Variants in OSBP2 observed in about 807,000 individuals in gnomAD.
OSBP2 encodes oxysterol-binding protein 2.
A neutral mutation model predicts 96.0 loss-of-function variants in OSBP2; 66 were observed. The ratio of observed to expected loss-of-function variants is 0.69; its 90% CI spans 0.56 to 0.84. The LOEUF (loss-of-function observed/expected upper bound fraction) is 0.84. Among genes scored for constraint, OSBP2 ranks in the 40% least tolerant of loss-of-function variants. OSBP2 has a pLI of 0.00. For missense variants in OSBP2, 1,038 were observed against 1,222.7 expected, an observed-to-expected ratio of 0.85 and a Z score of 2.25; for synonymous variants, 525 against 520.9, an observed-to-expected ratio of 1.01 and a Z score of -0.11.
At chr22:30,850,351 A>G (rs2038956442) in intron 2 of OSBP2, among the ~76,000 whole-genome samples, 1 of 151,600 alleles carries the variant, frequency 6.6e-6, no homozygotes, top group African/African-American at 2.4e-5. Context: ...GTGCATGTCT[A>G]TTTCTGAACT....
chr22:30,822,661 T>A, intron 2 of OSBP2: 1 of 1,533,924 alleles, frequency 6.5e-7, no homozygotes, highest in South Asian at 1.2e-5. Flanking sequence ...GGACACGGCC[T>A]CCGTGCGCTC....
chr22:30,898,135 C>T (rs940252014), intron 12 of OSBP2, among the ~76,000 whole-genome samples: 2 of 151,822 alleles, frequency 1.3e-5, no homozygotes, highest in African/African-American at 4.8e-5. Context: ...AAAATAAGAG[C>T]AAGAGCAAAA....
chr22:30,825,204 TTGGC>T (rs2038371937), intron 2 of OSBP2, among the ~76,000 whole-genome samples: 1 of 152,152 alleles, frequency 6.6e-6, no homozygotes, highest in Non-Finnish European at 1.5e-5. Flanking sequence ...CCTACTTACC[TTGGC>T]TGGGCATGGT....
chr22:30,878,194 A>C (rs571138329), intron 3 of OSBP2, among the ~76,000 whole-genome samples: 1 of 151,078 alleles, frequency 6.6e-6, no homozygotes, highest in South Asian at 2.1e-4. Flanking sequence ...CAAAGGACTC[A>C]ATGCCAAGTG....
chr22:30,769,749 C>T (rs1466032958), intron 2 of OSBP2, among the ~76,000 whole-genome samples: 1 of 152,168 alleles, frequency 6.6e-6, no homozygotes, highest in East Asian at 1.9e-4. Flanking sequence ...TCATCACTAC[C>T]ATTCCAGGCT....
chr22:30,764,455 AT>A, intron 2 of OSBP2: 1 of 942,984 alleles, frequency 1.1e-6, no homozygotes, highest in Non-Finnish European at 1.3e-6. Context: ...GTGGAAATAA[AT>A]TCCCAGGGAG....
intron 2 of OSBP2, among the ~76,000 whole-genome samples, chr22:30,808,326 T>A (rs2090958766): frequency 6.6e-6 from 1 of 151,892 alleles, no homozygotes; most frequent in African/African-American, 2.4e-5. Context: ...CATAGCAAGA[T>A]CCTGTCTCTA....
At chr22:30,736,332 C>T (rs151306156) in intron 1 of OSBP2, among the ~76,000 whole-genome samples, 30 of 152,262 alleles carry the variant, frequency 2.0e-4, no homozygotes, top group Middle Eastern at 3.4e-3. Flanking sequence ...TTCCCTCCCT[C>T]GCTCCCTCAG....
chr22:30,838,168 G>C (rs144589906), intron 2 of OSBP2, among the ~76,000 whole-genome samples: 40 of 152,244 alleles, frequency 2.6e-4, no homozygotes, highest in African/African-American at 8.9e-4. Context: ...AGGATTCCTC[G>C]TGTGGCAGCA....
At chr22:30,806,081 A>G (rs1321510726) in intron 2 of OSBP2, among the ~76,000 whole-genome samples, 2 of 152,236 alleles carry the variant, frequency 1.3e-5, no homozygotes, top group Non-Finnish European at 2.9e-5. Flanking sequence ...GCTTTCCTGC[A>G]GTAACTCAGT....
At chr22:30,725,435 C>G (rs906860435) in intron 1 of OSBP2, among the ~76,000 whole-genome samples, 7 of 151,434 alleles carry the variant, frequency 4.6e-5, no homozygotes, top group African/African-American at 1.7e-4. Context: ...CACTTGGACC[C>G]GGGAGGCAGA....
chr22:30,723,932 C>A (rs1015831984), intron 1 of OSBP2, among the ~76,000 whole-genome samples: 2 of 152,236 alleles, frequency 1.3e-5, no homozygotes, highest in Non-Finnish European at 2.9e-5. Context: ...ACTCTTGGTG[C>A]GGTACCTTCT....
intron 2 of OSBP2, among the ~76,000 whole-genome samples, chr22:30,816,014 T>G (rs1240533175): frequency 6.6e-6 from 1 of 152,204 alleles, no homozygotes; most frequent in Non-Finnish European, 1.5e-5. Context: ...AGCGCCTTGA[T>G]GAACTGAAAT....
intron 8 of OSBP2, among the ~76,000 whole-genome samples, chr22:30,891,261 G>A (rs539147655): frequency 6.6e-6 from 1 of 152,352 alleles, no homozygotes; most frequent in African/African-American, 2.4e-5. Flanking sequence ...GTGTTGTGGA[G>A]CAGAGGTGGA....
chr22:30,804,282 C>G (rs1297398155), intron 2 of OSBP2, among the ~76,000 whole-genome samples: 1 of 152,190 alleles, frequency 6.6e-6, no homozygotes, highest in Non-Finnish European at 1.5e-5. Context: ...GATTCCAAGC[C>G]ATGTGAGATG....
chr22:30,822,426 G>C lies in OSBP2; in HGVS notation c.854-48003G>C, dbSNP rs954937498. 3.0e-5 allele frequency: 31 copies of C among 1,018,442 alleles called. No individual in the cohort carries two copies. The African/African-American group carries it at 5.2e-4, about 17-fold the overall frequency. 63.1% of individuals were successfully genotyped at this position (1,018,442 alleles called of 1,614,324 possible). A position where few individuals can be genotyped will look rare whatever the true frequency, so the allele number is the denominator to read the frequency against. On this transcript the variant is annotated intron_variant, in intron 2 of 13. Coordinates refer to ENST00000332585, the MANE Select transcript of OSBP2 (RefSeq NM_030758.4). Reference sequence around the variant, plus strand: ...CAGCACCGCCGCTCAGGCTGGGCTCGGCTCCCGCGGCGCGGACGGGGTTAA... The same window carrying C: ...CAGCACCGCCGCTCAGGCTGGGCTCCGCTCCCGCGGCGCGGACGGGGTTAA...
chr22:30,864,432 T>TGCG (rs1173503898), intron 2 of OSBP2, among the ~76,000 whole-genome samples: 2 of 152,070 alleles, frequency 1.3e-5, no homozygotes, highest in African/African-American at 4.8e-5. Flanking sequence ...AATGCGTGTG[T>TGCG]GCGGCGTGGC....
At chr22:30,898,681 C>T (rs949337164) in intron 12 of OSBP2, among the ~76,000 whole-genome samples, 1 of 151,922 alleles carries the variant, frequency 6.6e-6, no homozygotes, top group African/African-American at 2.4e-5. Context: ...CCCCCATGGT[C>T]CAATCACCTC....
chr22:30,750,010 T>C (rs2090054042), intron 2 of OSBP2, among the ~76,000 whole-genome samples: 1 of 151,818 alleles, frequency 6.6e-6, no homozygotes, highest in African/African-American at 2.4e-5. Flanking sequence ...GAGGGAGAGG[T>C]GAAGAACATA....
Sources: allele counts gnomAD v4.1 joint callset (sites outside exome capture counted in the v4.1 genomes callset), GRCh38; gene constraint gnomAD v4.1.1; transcripts MANE v1.5; gene names NCBI Gene and HGNC (gene_info 2026-07-23, HGNC 2026-07-21).